RARB: variants seen among roughly 807,000 people sequenced by gnomAD.
RARB encodes the protein HBV-activated protein.
A neutral mutation model predicts 51.9 loss-of-function variants in RARB; 17 were observed. That is an observed-to-expected ratio of 0.33 (90% CI 0.22 to 0.49). The LOEUF (loss-of-function observed/expected upper bound fraction) is 0.49, where lower values mean the gene tolerates loss of function less well. Ranked by LOEUF, RARB falls within the 20% of genes least tolerant of loss-of-function variation. The pLI is 0.99. For missense variants in RARB, 369 were observed against 550.8 expected (o/e 0.67, Z 3.30); for synonymous variants, 215 against 195.4 (o/e 1.10, Z -0.84).
rs142267009 is a variant in RARB, at chr3:25,044,983, G to A, written c.-379-15142G>A. ...TGAACCTTACAATCAAAGTCCTCCC[G>A]GCATTTTTTTGTTCTACTTGGAGGA... On this transcript the variant is annotated intron_variant, in intron 2 of 11. Transcript: ENST00000383772. Among the ~76,000 whole-genome samples, 196 of 152,204 alleles carry A rather than the reference G, an allele frequency of 1.3e-3. 1 individual carries two copies. The highest frequency in any genetic ancestry group is 4.3e-3 in the African/African-American group (180 of 41,534).
At chr3:25,063,434 C>G (rs1427401242) in intron 3 of RARB, among the ~76,000 whole-genome samples, 1 of 151,910 alleles carries the variant, frequency 6.6e-6, no homozygotes, top group African/African-American at 2.4e-5. Context: ...CATCCTATTT[C>G]TTTTTATGGG....
intron 2 of RARB, among the ~76,000 whole-genome samples, chr3:24,974,652 A>G (rs75892615): frequency 0.012 from 1,776 of 152,222 alleles, 37 homozygotes; most frequent in African/African-American, 0.041. Context: ...AATATAGTAA[A>G]TCAAATCAAT....
upstream of RARB, among the ~76,000 whole-genome samples, chr3:25,426,576 C>A (rs1187131750): frequency 6.6e-6 from 1 of 152,216 alleles, no homozygotes; most frequent in Non-Finnish European, 1.5e-5. Flanking sequence ...ATGCACATTC[C>A]AACACTATCC....
intron 5 of RARB, among the ~76,000 whole-genome samples, chr3:25,206,839 C>A (rs1207383361): frequency 2.0e-5 from 3 of 152,194 alleles, no homozygotes; most frequent in Non-Finnish European, 2.9e-5. Context: ...TCACCACTTA[C>A]ACCTAGACTG....
chr3:25,558,707 C>T (rs1700156113), intron 3 of RARB, among the ~76,000 whole-genome samples: 1 of 152,052 alleles, frequency 6.6e-6, no homozygotes. Context: ...ATTCATGCCC[C>T]CTCAAACCAA....
rs948634319 is a variant in RARB, at chr3:25,076,149, T to TTA, written c.-328+15974_-328+15975insAT. On this transcript the variant is annotated intron_variant, in intron 3 of 11. Transcript: ENST00000383772. ...GTATCCCCAGAAGCAGTTATTTATT[T>TTA]TTTTTTTTTTTAGACAAAATCTCTC... 4.7e-5 allele frequency among the ~76,000 whole-genome samples: 7 copies of TTA among 147,674 alleles called. No individual in the cohort carries two copies. The South Asian group carries it at 6.5e-4, about 14-fold the overall frequency.
chr3:25,332,272 C>G (rs1704923193), intron 5 of RARB, among the ~76,000 whole-genome samples: 1 of 152,112 alleles, frequency 6.6e-6, no homozygotes, highest in Non-Finnish European at 1.5e-5. Context: ...TGCAGAAATC[C>G]TCAATAAAAT....
intron 2 of RARB, among the ~76,000 whole-genome samples, chr3:25,470,765 C>T (rs1695648231): frequency 6.6e-6 from 1 of 152,164 alleles, no homozygotes; most frequent in African/African-American, 2.4e-5. Context: ...CCCTCTTTTA[C>T]ATTTGCTGTT....
At chr3:25,081,245 T>C (rs955977624) in intron 3 of RARB, among the ~76,000 whole-genome samples, 1 of 152,108 alleles carries the variant, frequency 6.6e-6, no homozygotes, top group African/African-American at 2.4e-5. Context: ...ACTGTTGGTT[T>C]CTAATTGAAT....
intron 3 of RARB, among the ~76,000 whole-genome samples, chr3:25,077,201 G>T (rs1698887766): frequency 6.6e-6 from 1 of 152,188 alleles, no homozygotes. Flanking sequence ...GTGCATTGGA[G>T]CATTATTTTT....
At chr3:25,551,734 C>G (rs958538171) in intron 3 of RARB, among the ~76,000 whole-genome samples, 1 of 152,084 alleles carries the variant, frequency 6.6e-6, no homozygotes, top group Non-Finnish European at 1.5e-5. Context: ...AAGAAGAGGG[C>G]TAGGGACACT....
intron 3 of RARB, among the ~76,000 whole-genome samples, chr3:25,074,335 G>A (rs7626290): frequency 0.21 from 32,079 of 152,058 alleles, 5,096 homozygotes; most frequent in African/African-American, 0.44. Flanking sequence ...CTTCCCGATC[G>A]GCTGCTGAAA....
At chr3:25,309,964 C>T (rs902210210) in intron 5 of RARB, among the ~76,000 whole-genome samples, 1 of 152,198 alleles carries the variant, frequency 6.6e-6, no homozygotes, top group South Asian at 2.1e-4. Flanking sequence ...TCTTGAAAGT[C>T]CCGAAGGCTG....
intron 5 of RARB, among the ~76,000 whole-genome samples, chr3:25,257,852 C>T (rs569866635): frequency 6.1e-4 from 93 of 152,224 alleles, no homozygotes; most frequent in Non-Finnish European, 1.1e-3. Context: ...CAAATACCAT[C>T]CGACATTCTC....
At chr3:25,532,733 A>G (rs996338592) in intron 3 of RARB, among the ~76,000 whole-genome samples, 1 of 152,214 alleles carries the variant, frequency 6.6e-6, no homozygotes, top group Non-Finnish European at 1.5e-5. Context: ...GGAGCCCTAA[A>G]GAGGCTTCCT....
intron 2 of RARB, among the ~76,000 whole-genome samples, chr3:24,903,455 A>G (rs1311890499): frequency 6.6e-6 from 1 of 152,144 alleles, no homozygotes; most frequent in Admixed American, 6.6e-5. Flanking sequence ...TTCTTTATAT[A>G]TTTGTAATCA....
chr3:25,229,615 G>C (rs1702130804), intron 5 of RARB, among the ~76,000 whole-genome samples: 1 of 151,848 alleles, frequency 6.6e-6, no homozygotes, highest in Non-Finnish European at 1.5e-5. Context: ...ATGATGGAGT[G>C]TACATCAGTG....
intron 1 of RARB, among the ~76,000 whole-genome samples, chr3:25,441,003 CAT>C (rs1322542835): frequency 1.4e-5 from 2 of 143,846 alleles, no homozygotes; most frequent in Non-Finnish European, 3.0e-5. Flanking sequence ...CACTTGCAAT[CAT>C]ATACCTAGGT....
At chr3:25,201,750 T>C (rs1323816618) in intron 5 of RARB, among the ~76,000 whole-genome samples, 1 of 152,198 alleles carries the variant, frequency 6.6e-6, no homozygotes, top group African/African-American at 2.4e-5. Flanking sequence ...TTTTCGTATG[T>C]TGAACCAGCC....
Sources: gnomAD v4.1 joint callset for allele counts (sites outside exome capture counted in the v4.1 genomes callset) on GRCh38, gnomAD v4.1.1 for gene constraint, MANE v1.5 for transcripts, NCBI Gene and HGNC (gene_info 2026-07-23, HGNC 2026-07-21) for gene names.